ALG8: variants seen among roughly 807,000 people sequenced by gnomAD.
ALG8 encodes dolichyl pyrophosphate Glc1Man9GlcNAc2 alpha-1,3-glucosyltransferase.
Under a neutral mutation model 70.2 loss-of-function variants are expected in ALG8, and 48 were observed. The observed-to-expected ratio is 0.68, with a 90% CI of 0.54 to 0.87. ALG8 has a LOEUF of 0.87. ALG8 is among the 40% of genes least tolerant of loss of function. The pLI, the probability that ALG8 is intolerant of heterozygous loss-of-function variation, is 0.00. For missense variants in ALG8, 572 were observed against 608.7 expected (o/e 0.94, Z 0.64); for synonymous variants, 234 against 229.0 (o/e 1.02, Z -0.20).
At chr11:78,116,044 C>T (rs936088071) in intron 5 of ALG8, among the ~76,000 whole-genome samples, 6 of 152,130 alleles carry the variant, frequency 3.9e-5, no homozygotes, top group African/African-American at 1.4e-4. Context: ...CTTAGGAAAA[C>T]TAAAGGTATT....
chr11:78,131,986 T>A (rs979547147), intron 1 of ALG8, among the ~76,000 whole-genome samples: 1 of 152,206 alleles, frequency 6.6e-6, no homozygotes, highest in African/African-American at 2.4e-5. Context: ...CTAAAAGATA[T>A]TTTTGGATCT....
intron 4 of ALG8, among the ~76,000 whole-genome samples, chr11:78,120,129 CTT>C (rs1255118558): frequency 6.6e-5 from 10 of 151,658 alleles, no homozygotes; most frequent in Admixed American, 6.6e-4. Flanking sequence ...AGGAAAGAAA[CTT>C]ATGTTTAATG....
rs57199902 is a variant in ALG8 at position 78,120,744 on chromosome 11, G to A, written c.478+321C>T. 6.8e-3 allele frequency among the ~76,000 whole-genome samples: 1,039 copies of A among 152,256 alleles called. 7 individuals carry two copies. The highest frequency in any genetic ancestry group is 0.024 in the African/African-American group (1,004 of 41,546). ...TGTGATATGCCTTTTCCAATTAAAG[G>A]TATTTGGAATAATGTGTTACAAAAC... On this transcript the variant is annotated intron_variant, in intron 4 of 12. Transcript: ENST00000299626.
chr11:78,130,399 G>C (rs938551631), intron 1 of ALG8, among the ~76,000 whole-genome samples: 1 of 143,352 alleles, frequency 7.0e-6, no homozygotes, highest in Non-Finnish European at 1.5e-5. Context: ...AGTGGGGTGG[G>C]GTTGTGGGGA....
At chr11:78,133,170 G>C (rs929727857) in intron 1 of ALG8, among the ~76,000 whole-genome samples, 33 of 152,122 alleles carry the variant, frequency 2.2e-4, no homozygotes, top group African/African-American at 7.7e-4. Context: ...TTGTAGTTAT[G>C]TAACTATATA....
chr11:78,130,025 C>T (rs550834306), intron 1 of ALG8, among the ~76,000 whole-genome samples: 34 of 152,084 alleles, frequency 2.2e-4, no homozygotes, highest in African/African-American at 7.9e-4. Context: ...AACAAAAATT[C>T]AAAAACAGGC....
intron 1 of ALG8, chr11:78,139,050 C>T (rs1431549770): frequency 2.6e-5 from 9 of 342,200 alleles, no homozygotes; most frequent in African/African-American, 8.6e-5. Flanking sequence ...CACTTAGTAA[C>T]CCTCTATTTC....
In ALG8 at chr11:78,100,969, GTTTC is replaced by G. The variant is rs1279747885; in HGVS notation, c.1572_1575del (p.Lys524AsnfsTer4). ...TATCTAAGCAGTTCCTTTATTCATT[GTTTC>G]TTTGTCTTGCCAATAGCAGAGTCAA... On this transcript the variant is annotated frameshift_variant, in exon 13 of 13. Coordinates refer to ENST00000299626, the MANE Select transcript of ALG8 (RefSeq NM_024079.5). LOFTEE classifies it high-confidence loss of function. 1.2e-6 allele frequency: 2 copies of G among 1,613,494 alleles called. No individual in the cohort carries two copies. Among genetic ancestry groups the G allele is most frequent in the Non-Finnish European group, 1.7e-6 (2 of 1,179,440 alleles).
rs371571471 is a variant in ALG8, at chr11:78,114,009, T to G, written c.674-20A>C. The G allele has an allele frequency of 4.4e-6, 7 of 1,577,344 alleles. No homozygotes were observed. Among genetic ancestry groups the G allele is most frequent in the Non-Finnish European group, 5.2e-6 (6 of 1,156,728 alleles). On this transcript the variant is annotated intron_variant, in intron 6 of 12. Transcript: ENST00000299626. ...ACCCATCTACAGAAAAGGAACATTA[T>G]CAGTAACCAGGAAGATGGAAAGGAA...
chr11:78,112,881 G>C, intron 7 of ALG8, 111 bp from the exon 8 acceptor site: 3 of 1,350,448 alleles, frequency 2.2e-6, no homozygotes, highest in African/African-American at 1.5e-5. Flanking sequence ...ATGGGGTCTG[G>C]GTTCTAGTAA....
At position 78,114,339 on chromosome 11, in the gene ALG8, A is replaced by G. The variant is rs1565350740; in HGVS notation, c.600T>C (p.His200=). 6.2e-7 allele frequency: 1 copy of G among 1,614,134 alleles called. No homozygotes were observed. Among genetic ancestry groups the G allele is most frequent in the Non-Finnish European group, 8.5e-7 (1 of 1,179,982 alleles). The change falls in exon 6 of 13, where the codon CAT becomes CAC. Residue 200 remains histidine, a synonymous_variant. Coordinates refer to ENST00000299626, the MANE Select transcript of ALG8 (RefSeq NM_024079.5). The stretch of plus-strand genomic sequence containing the variant: ...AAGCTGGTGCTACATAGAGGTAGAT[A>G]TGCTTGAAATGTAGGAGAACAGCAA... The part of the protein sequence containing the change: ...FLFAVLLHFK[H]IYLYVAPAYG...
At position 78,113,928 on chromosome 11, in the gene ALG8, A is replaced by G. The variant is rs370235246; in HGVS notation, c.735T>C (p.Val245=). ...CCAATGAAAGAGCAGAAACTAAGAA[A>G]ACAACCAGTCCCAGGGAAATAACAC... is the stretch of plus-strand genomic sequence containing the variant. ...FVRVISLGLV[V]FLVSALSLGP... is the part of the protein sequence containing the mutation. Residue 245 remains valine, a synonymous_variant, in exon 7 of 13, where the codon GTT becomes GTC. Coordinates refer to ENST00000299626, the MANE Select transcript of ALG8 (RefSeq NM_024079.5). 1.6e-5 allele frequency: 25 copies of G among 1,608,228 alleles called. No individual in the cohort carries two copies. Among genetic ancestry groups the G allele is most frequent in the Non-Finnish European group, 1.8e-5 (21 of 1,177,472 alleles).
At chr11:78,110,446 C>T (rs752029475) in intron 8 of ALG8, among the ~76,000 whole-genome samples, 7 of 152,202 alleles carry the variant, frequency 4.6e-5, no homozygotes, top group Non-Finnish European at 7.3e-5. Context: ...CCCATCTCAG[C>T]CTCCCAAAGT....
chr11:78,104,643 C>G, intron 10 of ALG8, 190 bp from the exon 11 acceptor site: 1 of 556,410 alleles, frequency 1.8e-6, no homozygotes, highest in South Asian at 2.1e-5. Context: ...TAGCATGTAT[C>G]AAACTGAATC....
intron 1 of ALG8, among the ~76,000 whole-genome samples, chr11:78,132,863 G>T (rs1391495700): frequency 7.7e-6 from 1 of 129,752 alleles, no homozygotes; most frequent in Non-Finnish European, 1.6e-5. Context: ...TTTAGATGGA[G>T]TCTCACTCTG....
At chr11:78,113,823 T>G in intron 7 of ALG8, 63 bp downstream of exon 7, 1 of 1,320,162 alleles carries the variant, frequency 7.6e-7, no homozygotes, top group Non-Finnish European at 1.0e-6. Flanking sequence ...CTGGCTTTAT[T>G]AGGTTTTCTA....
intron 8 of ALG8, 144 bp downstream of exon 8, chr11:78,112,506 C>T: frequency 8.1e-7 from 1 of 1,234,040 alleles, no homozygotes; most frequent in Non-Finnish European, 1.2e-6. Flanking sequence ...AGAACTGCTC[C>T]CCCTGTTCAT....
At chr11:78,129,588 T>A (rs1203241810) in intron 1 of ALG8, among the ~76,000 whole-genome samples, 1 of 152,182 alleles carries the variant, frequency 6.6e-6, no homozygotes, top group Non-Finnish European at 1.5e-5. Context: ...AGGGAGACCC[T>A]TTCAAGGAGT....
chr11:78,117,900 T>C (rs1860648451), intron 5 of ALG8, among the ~76,000 whole-genome samples: 1 of 151,632 alleles, frequency 6.6e-6, no homozygotes, highest in African/African-American at 2.4e-5. Flanking sequence ...TGAAACTCCG[T>C]CTCTACTAAA....
Sources: gnomAD v4.1 joint callset for allele counts (sites outside exome capture counted in the v4.1 genomes callset) on GRCh38, gnomAD v4.1.1 for gene constraint, MANE v1.5 for transcripts, NCBI Gene and HGNC (gene_info 2026-07-23, HGNC 2026-07-21) for gene names.